ATXN7L2: variants seen among roughly 807,000 people sequenced by gnomAD.
ATXN7L2 encodes ataxin-7-like protein 2.
Under a neutral mutation model 59.6 loss-of-function variants are expected in ATXN7L2, and 17 were observed. The ratio of observed to expected loss-of-function variants is 0.29; its 90% CI spans 0.20 to 0.43. ATXN7L2 has a LOEUF of 0.43. Among genes scored for constraint, ATXN7L2 ranks in the 20% least tolerant of loss-of-function variants. The pLI is 1.00. For synonymous variants in ATXN7L2, 378 were observed against 392.5 expected (o/e 0.96, Z 0.44); for missense variants, 858 against 1,008.9 (o/e 0.85, Z 2.03).
chr1:109,485,702 C>A, intron 1 of ATXN7L2: 8 of 1,011,438 alleles, frequency 7.9e-6, no homozygotes, highest in Non-Finnish European at 9.4e-6. Flanking sequence ...ATGATACTTA[C>A]CCACAATCAC....
chr1:109,489,931 T>A lies in ATXN7L2; in HGVS notation c.1135T>A (p.Ser379Thr). The change falls in exon 8 of 11, where the codon TCC becomes ACC. Residue 379 changes from serine (S) to threonine (T), a missense_variant and splice_region_variant. This residue lies in a region of ATXN7L2 where 734 missense variants were observed against 862.3 expected (regional missense o/e 0.85). Transcript: ENST00000683729. ...TGGCATCCCTTTTGGCCCTTCCAGG[T>A]CCCGGGCCTCCTCCGAGAGTGAATT... is the stretch of plus-strand genomic sequence containing the variant. The part of the protein sequence containing the change: ...QTYPYCALPR[S>T]RASSESELDD... The A allele has an allele frequency of 1.9e-6, 3 of 1,613,252 alleles. No homozygotes were observed. Among genetic ancestry groups the A allele is most frequent in the African/African-American group, 2.7e-5 (2 of 74,988 alleles).
At chr1:109,492,470 A>T in intron 10 of ATXN7L2, 116 bp from the exon 11 acceptor site, 1 of 1,409,970 alleles carries the variant, frequency 7.1e-7, no homozygotes, top group Non-Finnish European at 9.8e-7. Flanking sequence ...AGTTTTACTC[A>T]CCAGGCCAGC....
chr1:109,492,135 C>G, intron 10 of ATXN7L2: 1 of 1,052,096 alleles, frequency 9.5e-7, no homozygotes, highest in South Asian at 4.1e-5. Context: ...GGTTTTTCCT[C>G]TGGGCATCAG....
In ATXN7L2 at chr1:109,491,343, A is replaced by G; in HGVS notation, c.1876A>G (p.Lys626Glu). 6.2e-7 allele frequency: 1 copy of G among 1,614,270 alleles called. No homozygotes were observed. The highest frequency in any genetic ancestry group is 8.5e-7 in the Non-Finnish European group (1 of 1,180,048). The change falls in exon 10 of 11, where the codon AAA becomes GAA. Residue 626 changes from lysine (K) to glutamate (E), a missense_variant. Physicochemically the swap from Lys to Glu is moderately conservative, Grantham distance 56 (BLOSUM62 1). Coordinates refer to ENST00000683729, the MANE Select transcript of ATXN7L2 (RefSeq NM_001350175.2). The surrounding 1 kb of genome is among the most constrained non-coding windows in gnomAD (Gnocchi z 4.1). ...CATCCTGGAGCCCACTGGAAAAGGG[A>G]AACCCTCTGGCTGTAGGGGCCTCTC... Reference protein sequence around the residue: ...TCILEPTGKGKPSGCRGLSAK... With the variant: ...TCILEPTGKGEPSGCRGLSAK...
Position 109,488,173 on chromosome 1 carries a change from C to T in ATXN7L2, c.797-210C>T, listed in dbSNP as rs1272018664. Among the ~76,000 whole-genome samples, 1 of 152,206 alleles carries T rather than the reference C, an allele frequency of 6.6e-6. No individual in the cohort carries two copies. The highest frequency in any genetic ancestry group is 6.5e-5 in the Admixed American group (1 of 15,286). On this transcript the variant is annotated intron_variant, in intron 5 of 10. Transcript: ENST00000683729. The surrounding 1 kb of genome is among the most constrained non-coding windows in gnomAD (Gnocchi z 5.0). ...GCTTTGGGCTTGAAGTCCCAAAAGG[C>T]GCACCTGAAATTGGGATAGGGATGG...
rs891491056 is a variant in ATXN7L2 at position 109,487,934 on chromosome 1, C to A, written c.796+130C>A. On this transcript the variant is annotated intron_variant, in intron 5 of 10. Coordinates refer to ENST00000683729, the MANE Select transcript of ATXN7L2 (RefSeq NM_001350175.2). Reference sequence around the variant, plus strand: ...CATCACAGGTTGTAGGGTATAGGAGCCCCGTCACCTCTTGACCTGCTTGCT... The same window carrying A: ...CATCACAGGTTGTAGGGTATAGGAGACCCGTCACCTCTTGACCTGCTTGCT... 7.3e-6 allele frequency: 8 copies of A among 1,101,244 alleles called. No homozygotes were observed. The African/African-American group carries it at 1.3e-4, about 18-fold the overall frequency. The allele number at this position is 1,101,244 out of a possible 1,614,324, so 68.2% of individuals were successfully genotyped here.
At position 109,486,921 on chromosome 1, in the gene ATXN7L2, C is replaced by T; in HGVS notation, c.299-86C>T. On this transcript the variant is annotated intron_variant, in intron 3 of 10. Coordinates refer to ENST00000683729, the MANE Select transcript of ATXN7L2 (RefSeq NM_001350175.2). The surrounding 1 kb of genome is among the most constrained non-coding windows in gnomAD (Gnocchi z 4.3). ...TAATTTATGGAAACTCAGATTCTCT[C>T]ATGTGAGTCTATGGACATGGTTAGG... The T allele has an allele frequency of 8.3e-7, 1 of 1,201,786 alleles. No homozygotes were observed. The highest frequency in any genetic ancestry group is 2.8e-5 in the Admixed American group (1 of 35,608). The allele number at this position is 1,201,786 out of a possible 1,614,324, so 74.4% of individuals were successfully genotyped here.
rs1657097683 is a variant in ATXN7L2, at chr1:109,491,758, C to T, written c.2250+41C>T. 3.9e-6 allele frequency: 6 copies of T among 1,521,092 alleles called. No homozygotes were observed. The highest frequency in any genetic ancestry group is 5.3e-6 in the Non-Finnish European group (6 of 1,130,508). 94.2% of individuals were successfully genotyped at this position (1,521,092 alleles called of 1,614,324 possible). ...CCTGAAGATTGATGAGGGTGGGGCA[C>T]ACAGGGGGTACCTGATACAGAGAAG... On this transcript the variant is annotated intron_variant, in intron 10 of 10. Transcript: ENST00000683729. This position sits in a 1 kb window ranked among gnomAD's most constrained non-coding sequence, Gnocchi z 4.1.
chr1:109,490,656 T>G (rs1293556256), intron 9 of ATXN7L2, among the ~76,000 whole-genome samples: 1 of 152,152 alleles, frequency 6.6e-6, no homozygotes, highest in African/African-American at 2.4e-5. Flanking sequence ...TTTGGGTAAC[T>G]AGGGATAGGG....
chr1:109,485,568 T>C lies in ATXN7L2; in HGVS notation c.128-489T>C, dbSNP rs60658009. On this transcript the variant is annotated intron_variant, in intron 1 of 10. Transcript: ENST00000683729. ...GGTGGGGACCTGGGAGAGTATCTAT[T>C]TGGGATGCCACATAGTAGCAGAAAG... 1,863 of 985,490 alleles carry C rather than the reference T, an allele frequency of 1.9e-3. 26 individuals carry two copies. The African/African-American group carries it at 0.03, about 16-fold the overall frequency. 61.0% of individuals were successfully genotyped at this position (985,490 alleles called of 1,614,324 possible).
rs149622942 is a variant in ATXN7L2, at chr1:109,491,247, G to A, written c.1780G>A (p.Gly594Arg). Residue 594 changes from glycine (G) to arginine (R), a missense_variant, in exon 10 of 11, where the codon GGG (glycine) becomes AGG (arginine). By Grantham distance (125) the Gly-to-Arg change is moderately radical. Around this residue, in one of 3 missense-constraint regions of ATXN7L2, gnomAD observed 734 missense variants for 862.3 expected, o/e 0.85. Transcript: ENST00000683729. This position sits in a 1 kb window ranked among gnomAD's most constrained non-coding sequence, Gnocchi z 4.1. ...KASKSSKGKDGVEVEAPSRKR... is the reference protein window; with the variant it reads ...KASKSSKGKDRVEVEAPSRKR... ...CAGCAAGTCATCCAAAGGCAAGGAC[G>A]GGGTGGAGGTGGAGGCCCCTTCTCG... The A allele has an allele frequency of 4.8e-5, 78 of 1,614,232 alleles. 1 individual carries two copies. The South Asian group carries it at 6.1e-4, about 13-fold the overall frequency.
chr1:109,492,240 A>T, intron 10 of ATXN7L2: 1 of 553,538 alleles, frequency 1.8e-6, no homozygotes, highest in Non-Finnish European at 2.5e-6. Flanking sequence ...CAGGGTTTCC[A>T]GTAAAGCCTG....
rs1656585630 is a variant in ATXN7L2, at chr1:109,486,394, AT to A, written c.194-111del. 2 of 995,926 alleles carry A rather than the reference AT, an allele frequency of 2.0e-6. No homozygotes were observed. The highest frequency in any genetic ancestry group is 3.0e-6 in the Non-Finnish European group (2 of 670,992). The allele number at this position is 995,926 out of a possible 1,614,324, so 61.7% of individuals were successfully genotyped here. A position where few individuals can be genotyped will look rare whatever the true frequency, so the allele number is the denominator to read the frequency against. On this transcript the variant is annotated intron_variant, in intron 2 of 10. Transcript: ENST00000683729. This position sits in a 1 kb window ranked among gnomAD's most constrained non-coding sequence, Gnocchi z 4.3. ...GGAAGCATTCAGCATGGAGCTTGTT[AT>A]ATCAGCGGGGAGGTGAAGTGCCTTC...
At chr1:109,485,884 G>T in intron 1 of ATXN7L2, 173 bp from the exon 2 acceptor site, 1 of 1,258,590 alleles carries the variant, frequency 7.9e-7, no homozygotes. Flanking sequence ...CCTAGCACCA[G>T]GAGCTTGTCA....
chr1:109,486,677 G>A lies in ATXN7L2; in HGVS notation c.298+67G>A. The A allele has an allele frequency of 7.1e-7, 1 of 1,399,226 alleles. No individual in the cohort carries two copies. The highest frequency in any genetic ancestry group is 2.3e-5 in the East Asian group (1 of 43,002). 86.7% of individuals were successfully genotyped at this position (1,399,226 alleles called of 1,614,324 possible). On this transcript the variant is annotated intron_variant, in intron 3 of 10. Coordinates refer to ENST00000683729, the MANE Select transcript of ATXN7L2 (RefSeq NM_001350175.2). This position sits in a 1 kb window ranked among gnomAD's most constrained non-coding sequence, Gnocchi z 4.3. ...GTGGAGCATGGAACTCTGAGGACAG[G>A]GTCAGTTGGGAGGTCTCGTAGGGTA...
chr1:109,489,171 A>G (rs1318665659), intron 7 of ATXN7L2, 71 bp downstream of exon 7: 1 of 1,544,032 alleles, frequency 6.5e-7, no homozygotes, highest in African/African-American at 1.4e-5. Context: ...GCCCCTGGAA[A>G]CAGGCTCAGG....
At chr1:109,490,230 C>T in intron 8 of ATXN7L2, 41 bp from the exon 9 acceptor site, 1 of 1,608,772 alleles carries the variant, frequency 6.2e-7, no homozygotes, top group Non-Finnish European at 8.5e-7. Flanking sequence ...TGTCTGTGCA[C>T]CCCAGACCCT....
Position 109,487,626 on chromosome 1 carries a change from C to T in ATXN7L2, c.618C>T (p.Gly206=). 6.3e-7 allele frequency: 1 copy of T among 1,599,456 alleles called. No individual in the cohort carries two copies. The highest frequency in any genetic ancestry group is 8.5e-7 in the Non-Finnish European group (1 of 1,173,230). The change falls in exon 5 of 11, where the codon GGC becomes GGT. Residue 206 remains glycine (G), a synonymous_variant. Transcript: ENST00000683729. ...CTGCTTTTCTCAGCCAGCCAGGGGG[C>T]CTCACCAAGGACTCCCCTGGAAAAC... is the stretch of plus-strand genomic sequence containing the variant. ...PPSAFLSQPG[G]LTKDSPGKPP... is the part of the protein sequence containing the mutation.
At chr1:109,492,447 T>G (rs1571099247) in intron 10 of ATXN7L2, 139 bp from the exon 11 acceptor site, 1 of 1,172,964 alleles carries the variant, frequency 8.5e-7, no homozygotes. Flanking sequence ...GGCATTCATC[T>G]TCCCCCTTGC....
Sources: allele counts gnomAD v4.1 joint callset (sites outside exome capture counted in the v4.1 genomes callset), GRCh38; gene constraint gnomAD v4.1.1; regional missense constraint gnomAD v4.1.1; non-coding constraint Gnocchi (gnomAD v3.1); transcripts MANE v1.5; gene names NCBI Gene and HGNC (gene_info 2026-07-23, HGNC 2026-07-21).